The following HS6ST3 variants were observed in gnomAD, a reference collection of about 807,000 sequenced individuals.
HS6ST3 encodes heparan-sulfate 6-O-sulfotransferase 3.
Under a neutral mutation model 36.7 loss-of-function variants are expected in HS6ST3, and 12 were observed. That is an observed-to-expected ratio of 0.33 (90% CI 0.21 to 0.53). The LOEUF is 0.53. Among genes scored for constraint, HS6ST3 ranks in the 20% least tolerant of loss-of-function variants. The pLI is 0.95. For missense variants in HS6ST3, 584 were observed against 640.9 expected (o/e 0.91, Z 0.96); for synonymous variants, 240 against 257.5 (o/e 0.93, Z 0.65).
chr13:96,326,528 T>C (rs1026677056), intron 1 of HS6ST3, among the ~76,000 whole-genome samples: 43 of 152,112 alleles, frequency 2.8e-4, no homozygotes, highest in African/African-American at 1.0e-3. Context: ...CATGGCTGCA[T>C]AGTATTCTAT....
Position 96,557,375 on chromosome 13 carries a change from C to T in HS6ST3, c.708-275115C>T, listed in dbSNP as rs533710810. ...GTCTGATACCTATGCAGCCACTGAT[C>T]GATGAGCTGAAGTGGTGGTCTTATA... On this transcript the variant is annotated intron_variant, in intron 1 of 1. Transcript: ENST00000376705. Among the ~76,000 whole-genome samples, 10 of 152,204 alleles carry T rather than the reference C, an allele frequency of 6.6e-5. No individual in the cohort carries two copies. In the South Asian group the frequency reaches 1.7e-3, roughly 25 times the overall value.
At chr13:96,610,158 G>A (rs1292131782) in intron 1 of HS6ST3, among the ~76,000 whole-genome samples, 1 of 152,134 alleles carries the variant, frequency 6.6e-6, no homozygotes, top group Non-Finnish European at 1.5e-5. Context: ...TGTAGCATTG[G>A]AGAAGTTACT....
intron 1 of HS6ST3, among the ~76,000 whole-genome samples, chr13:96,160,327 T>G (rs184174426): frequency 6.6e-6 from 1 of 152,258 alleles, no homozygotes; most frequent in East Asian, 1.9e-4. Flanking sequence ...TTCTGATGAG[T>G]GTGTGGGTGA....
At chr13:96,211,295 G>A (rs1267653801) in intron 1 of HS6ST3, among the ~76,000 whole-genome samples, 1 of 152,082 alleles carries the variant, frequency 6.6e-6, no homozygotes, top group Non-Finnish European at 1.5e-5. Flanking sequence ...TCCAGCCATG[G>A]GTCTTCTAGA....
intron 1 of HS6ST3, among the ~76,000 whole-genome samples, chr13:96,654,980 C>T (rs1230060925): frequency 1.3e-5 from 2 of 151,938 alleles, no homozygotes; most frequent in East Asian, 3.9e-4. Flanking sequence ...CAATTTTTCC[C>T]CTGAAGAGTT....
chr13:96,320,796 C>A (rs890576801), intron 1 of HS6ST3, among the ~76,000 whole-genome samples: 1 of 152,198 alleles, frequency 6.6e-6, no homozygotes, highest in Non-Finnish European at 1.5e-5. Flanking sequence ...CTATTTCCCA[C>A]ATGAGTGAGA....
At chr13:96,698,402 T>G (rs1016011539) in intron 1 of HS6ST3, among the ~76,000 whole-genome samples, 75 of 152,310 alleles carry the variant, frequency 4.9e-4, no homozygotes, top group Non-Finnish European at 9.6e-4. Flanking sequence ...TGCATAGTAT[T>G]CCATGGTGTG....
chr13:96,521,908 G>C (rs150715140), intron 1 of HS6ST3, among the ~76,000 whole-genome samples: 1 of 151,936 alleles, frequency 6.6e-6, no homozygotes, highest in Admixed American at 6.6e-5. Flanking sequence ...GAATTTGTTT[G>C]CTCTTGCTTC....
At chr13:96,217,650 G>T (rs1277424453) in intron 1 of HS6ST3, among the ~76,000 whole-genome samples, 1 of 152,122 alleles carries the variant, frequency 6.6e-6, no homozygotes, top group Non-Finnish European at 1.5e-5. Context: ...ATTCTGGCAG[G>T]ATCTTAAAGT....
At chr13:96,652,156 C>A (rs1420434560) in intron 1 of HS6ST3, among the ~76,000 whole-genome samples, 1 of 151,918 alleles carries the variant, frequency 6.6e-6, no homozygotes, top group African/African-American at 2.4e-5. Flanking sequence ...TACTACATAT[C>A]TGATATGCAT....
intron 1 of HS6ST3, among the ~76,000 whole-genome samples, chr13:96,820,648 C>T (rs893838247): frequency 2.0e-5 from 3 of 152,246 alleles, no homozygotes; most frequent in Admixed American, 6.5e-5. Context: ...AACCAAGTCA[C>T]GCTGAAAGCG....
At chr13:96,253,044 C>T (rs1166932276) in intron 1 of HS6ST3, among the ~76,000 whole-genome samples, 4 of 152,182 alleles carry the variant, frequency 2.6e-5, no homozygotes, top group Admixed American at 1.3e-4. Context: ...GTGAATCGTG[C>T]TCAGAGACAT....
At chr13:96,462,991 A>G (rs914053026) in intron 1 of HS6ST3, among the ~76,000 whole-genome samples, 1 of 152,214 alleles carries the variant, frequency 6.6e-6, no homozygotes, top group African/African-American at 2.4e-5. Context: ...TTTGATTTGA[A>G]AAAATTAAAG....
chr13:96,122,097 A>G (rs1394831092), intron 1 of HS6ST3, among the ~76,000 whole-genome samples: 3 of 130,472 alleles, frequency 2.3e-5, no homozygotes, highest in African/African-American at 8.4e-5. Flanking sequence ...AATCATCAAA[A>G]TAACCCTTTC....
At chr13:96,619,968 A>T (rs1034541155) in intron 1 of HS6ST3, among the ~76,000 whole-genome samples, 8 of 152,186 alleles carry the variant, frequency 5.3e-5, no homozygotes, top group African/African-American at 1.7e-4. Context: ...AGGTAGGTGA[A>T]TTGGCAGATC....
chr13:96,342,287 T>A (rs898473525), intron 1 of HS6ST3, among the ~76,000 whole-genome samples: 3 of 152,222 alleles, frequency 2.0e-5, no homozygotes, highest in Non-Finnish European at 4.4e-5. Flanking sequence ...TATCATTTGT[T>A]ATATTTATTT....
intron 1 of HS6ST3, among the ~76,000 whole-genome samples, chr13:96,613,478 C>T (rs1163696639): frequency 6.6e-6 from 1 of 152,110 alleles, no homozygotes; most frequent in Non-Finnish European, 1.5e-5. Context: ...TCACTACTTG[C>T]GTGGCACTGA....
intron 1 of HS6ST3, among the ~76,000 whole-genome samples, chr13:96,459,402 A>G (rs2055771436): frequency 6.6e-6 from 1 of 151,934 alleles, no homozygotes; most frequent in South Asian, 2.1e-4. Context: ...TCATGAGATC[A>G]TCTTGGTTAT....
intron 1 of HS6ST3, among the ~76,000 whole-genome samples, chr13:96,156,085 A>G (rs2054109295): frequency 6.6e-6 from 1 of 152,186 alleles, no homozygotes; most frequent in Non-Finnish European, 1.5e-5. Flanking sequence ...GCTAATATCT[A>G]TTGAGTTTTA....
Sources: gnomAD v4.1 joint callset for allele counts (sites outside exome capture counted in the v4.1 genomes callset) on GRCh38, gnomAD v4.1.1 for gene constraint, MANE v1.5 for transcripts, NCBI Gene and HGNC (gene_info 2026-07-23, HGNC 2026-07-21) for gene names.